GRM8: variants seen among roughly 807,000 people sequenced by gnomAD.
The protein encoded by GRM8 is metabotropic glutamate receptor 8.
In GRM8, 47 loss-of-function variants were observed where a neutral mutation model predicts 87.2. That is an observed-to-expected ratio of 0.54 (90% CI 0.43 to 0.69). GRM8 has a LOEUF of 0.69. GRM8 is among the 30% of genes least tolerant of loss of function. The pLI, the probability that GRM8 is intolerant of heterozygous loss-of-function variation, is 0.00. For missense variants in GRM8, 1,019 were observed against 1,139.2 expected (o/e 0.89, Z 1.52); for synonymous variants, 396 against 404.5 (o/e 0.98, Z 0.25).
rs545118738 is a variant in GRM8, at chr7:127,179,853, GCTAAGAGGAAAGTTCATAACC to G, written c.510+62821_510+62841del. Among the ~76,000 whole-genome samples the G allele has an allele frequency of 2.0e-5, 3 of 152,184 alleles. No homozygotes were observed. The East Asian group carries it at 5.8e-4, about 29-fold the overall frequency. ...ACCTCTGGGATAAAGCAAAGGCGGT[GCTAAGAGGAAAGTTCATAACC>G]CTAAGCACCTATATCAAAAAGATTG... On this transcript the variant is annotated intron_variant, in intron 2 of 10. Coordinates refer to ENST00000339582, the MANE Select transcript of GRM8 (RefSeq NM_000845.3).
intron 8 of GRM8, among the ~76,000 whole-genome samples, chr7:126,591,448 C>G (rs913853584): frequency 6.6e-6 from 1 of 152,032 alleles, no homozygotes; most frequent in African/African-American, 2.4e-5. Flanking sequence ...CAATACTCCA[C>G]TGACAGCATT....
chr7:126,479,693 G>A (rs965398774), intron 9 of GRM8, among the ~76,000 whole-genome samples: 6 of 151,914 alleles, frequency 3.9e-5, no homozygotes, highest in South Asian at 4.1e-4. Flanking sequence ...ATTAATGTAC[G>A]GATTTTTATG....
At chr7:127,159,893 C>T (rs1792991005) in intron 2 of GRM8, among the ~76,000 whole-genome samples, 1 of 152,102 alleles carries the variant, frequency 6.6e-6, no homozygotes, top group Non-Finnish European at 1.5e-5. Context: ...ATAAAACATG[C>T]TCGCAAAACT....
intron 7 of GRM8, among the ~76,000 whole-genome samples, chr7:126,681,485 A>G (rs1223322010): frequency 6.6e-6 from 1 of 152,238 alleles, no homozygotes; most frequent in Non-Finnish European, 1.5e-5. Flanking sequence ...TTAACATAAG[A>G]TTGCAAACCA....
intron 7 of GRM8, among the ~76,000 whole-genome samples, chr7:126,633,863 T>C (rs1034143431): frequency 1.2e-4 from 18 of 152,060 alleles, no homozygotes; most frequent in African/African-American, 4.1e-4. Flanking sequence ...TAAGTCCCTA[T>C]TTTATAATTA....
At chr7:127,233,842 A>G (rs1464180745) in intron 2 of GRM8, among the ~76,000 whole-genome samples, 1 of 152,192 alleles carries the variant, frequency 6.6e-6, no homozygotes, top group Non-Finnish European at 1.5e-5. Context: ...AGAAACAGAT[A>G]ACAGTGGCTG....
intron 3 of GRM8, among the ~76,000 whole-genome samples, chr7:127,041,261 G>T (rs909054190): frequency 6.6e-6 from 1 of 152,186 alleles, no homozygotes; most frequent in African/African-American, 2.4e-5. Context: ...GGGCAGGTTT[G>T]CATCTGTAGG....
intron 2 of GRM8, among the ~76,000 whole-genome samples, chr7:127,157,573 AC>A (rs1792816626): frequency 6.6e-6 from 1 of 152,216 alleles, no homozygotes; most frequent in African/African-American, 2.4e-5. Context: ...TAATGAGAAC[AC>A]AACAAGACTT....
chr7:126,780,322 GGTT>G (rs1819924001), intron 6 of GRM8, among the ~76,000 whole-genome samples: 2 of 152,036 alleles, frequency 1.3e-5, no homozygotes, highest in Admixed American at 6.6e-5. Context: ...TCCCCCATAG[GGTT>G]GTTGTCATAA....
At chr7:126,632,445 T>G (rs140689132) in intron 7 of GRM8, among the ~76,000 whole-genome samples, 60 of 152,290 alleles carry the variant, frequency 3.9e-4, no homozygotes, top group African/African-American at 1.3e-3. Context: ...GAATGTAAAT[T>G]AATTTACCCA....
intron 3 of GRM8, among the ~76,000 whole-genome samples, chr7:126,966,427 G>A (rs1270290909): frequency 1.3e-5 from 2 of 152,136 alleles, no homozygotes; most frequent in African/African-American, 2.4e-5. Flanking sequence ...GAGCCACTGC[G>A]CCTGGCCAGA....
intron 3 of GRM8, among the ~76,000 whole-genome samples, chr7:127,078,394 G>C (rs909214538): frequency 2.6e-5 from 4 of 152,156 alleles, no homozygotes; most frequent in East Asian, 1.9e-4. Context: ...CATAGAATTG[G>C]TGTTTAATAA....
At chr7:126,522,357 C>A (rs953742495) in intron 9 of GRM8, among the ~76,000 whole-genome samples, 1 of 152,128 alleles carries the variant, frequency 6.6e-6, no homozygotes, top group Admixed American at 6.5e-5. Flanking sequence ...TCTCCACTGG[C>A]AGAGAAATTT....
chr7:126,934,824 G>A (rs765153252), intron 3 of GRM8, among the ~76,000 whole-genome samples: 4 of 152,198 alleles, frequency 2.6e-5, no homozygotes, highest in Non-Finnish European at 2.9e-5. Flanking sequence ...TGACTCCTTG[G>A]AGGTTTGGAG....
chr7:126,873,379 G>C (rs113914123), intron 6 of GRM8, among the ~76,000 whole-genome samples: 1 of 152,006 alleles, frequency 6.6e-6, no homozygotes, highest in African/African-American at 2.4e-5. Context: ...AGGAAAAAAC[G>C]GTTGATGCTT....
At chr7:126,845,615 T>C (rs1476136082) in intron 6 of GRM8, among the ~76,000 whole-genome samples, 1 of 152,172 alleles carries the variant, frequency 6.6e-6, no homozygotes, top group Non-Finnish European at 1.5e-5. Context: ...CTCATACCAA[T>C]AGCAAGGCAA....
Position 126,663,273 on chromosome 7 carries a change from T to A in GRM8, c.1358-53775A>T, listed in dbSNP as rs113386430. On this transcript the variant is annotated intron_variant, in intron 7 of 10. Coordinates refer to ENST00000339582, the MANE Select transcript of GRM8 (RefSeq NM_000845.3). ...TTCCAAAAAATGGAGGAGGAGGGACTCCCCTCTAACTCATTTTATGAAGCT... is the reference window on the plus strand; with the variant it reads ...TTCCAAAAAATGGAGGAGGAGGGACACCCCTCTAACTCATTTTATGAAGCT... 6.2e-3 allele frequency among the ~76,000 whole-genome samples: 948 copies of A among 152,144 alleles called. 5 individuals carry two copies. The highest frequency in any genetic ancestry group is 0.01 in the Admixed American group (159 of 15,288).
At position 126,551,257 on chromosome 7, in the gene GRM8, T is replaced by C. The variant is rs544090057; in HGVS notation, c.1495-17370A>G. Among the ~76,000 whole-genome samples the C allele has an allele frequency of 9.2e-5, 14 of 152,252 alleles. No homozygotes were observed. In the South Asian group the frequency reaches 2.9e-3, roughly 32 times the overall value. ...TCATTTTAAAGGCTCACGAGAAAGG[T>C]ATCAGCATTCAAATCTAATGGCCTC... On this transcript the variant is annotated intron_variant, in intron 8 of 10. Transcript: ENST00000339582.
chr7:126,511,725 T>C (rs1315483907), intron 9 of GRM8: 1 of 152,154 alleles, frequency 6.6e-6, no homozygotes. Flanking sequence ...AGAAAATATG[T>C]ATGGTTACTG....
Sources: gnomAD v4.1 joint callset for allele counts (sites outside exome capture counted in the v4.1 genomes callset) on GRCh38, gnomAD v4.1.1 for gene constraint, MANE v1.5 for transcripts, NCBI Gene and HGNC (gene_info 2026-07-23, HGNC 2026-07-21) for gene names.